The following HHAT variants were observed in gnomAD, a reference collection of about 807,000 sequenced individuals.
HHAT encodes the protein protein-cysteine N-palmitoyltransferase HHAT.
Under a neutral mutation model 70.8 loss-of-function variants are expected in HHAT, and 47 were observed. The ratio of observed to expected loss-of-function variants is 0.66; its 90% confidence interval spans 0.53 to 0.85. The LOEUF is 0.85. HHAT is among the 40% of genes least tolerant of loss of function. The pLI, the probability that HHAT is intolerant of heterozygous loss-of-function variation, is 0.00. For missense variants in HHAT, 609 were observed against 604.8 expected (o/e 1.01, Z -0.07); for synonymous variants, 228 against 247.6 (o/e 0.92, Z 0.74).
In HHAT at chr1:210,418,277, A is replaced by T. The variant is rs1274887070; in HGVS notation, c.808A>T (p.Ile270Phe). ...GGCTCACCTGATGTACATGCATGCCATCTACAGCAGCATCCCCCTCCTGGA... is the reference window on the plus strand; with the variant it reads ...GGCTCACCTGATGTACATGCATGCCTTCTACAGCAGCATCCCCCTCCTGGA... ...LMAHLMYMHAIYSSIPLLETV... is the reference protein window; with the variant it reads ...LMAHLMYMHAFYSSIPLLETV... Residue 270 changes from isoleucine to phenylalanine, a missense_variant, in exon 7 of 12, where the codon ATC becomes TTC. Ile to Phe is a conservative substitution (Grantham distance 21, BLOSUM62 0). Transcript: ENST00000261458. The T allele has an allele frequency of 6.2e-7, 1 of 1,612,384 alleles. No homozygotes were observed. The highest frequency in any genetic ancestry group is 1.7e-5 in the Admixed American group (1 of 59,774).
chr1:210,609,378 A>C (rs1396950278), intron 10 of HHAT, among the ~76,000 whole-genome samples: 2 of 151,026 alleles, frequency 1.3e-5, no homozygotes, highest in Admixed American at 6.7e-5. Flanking sequence ...TCCTTAAATA[A>C]AAACTTTTGG....
intron 4 of HHAT, among the ~76,000 whole-genome samples, chr1:210,391,548 TAAA>T (rs1387964762): frequency 6.6e-6 from 1 of 151,818 alleles, no homozygotes; most frequent in Non-Finnish European, 1.5e-5. Context: ...ATAAATTTCA[TAAA>T]AAAGACAAAA....
At chr1:210,522,918 C>A (rs969078502) in intron 9 of HHAT, among the ~76,000 whole-genome samples, 9 of 152,116 alleles carry the variant, frequency 5.9e-5, no homozygotes, top group African/African-American at 2.2e-4. Context: ...ATTTCTGGCT[C>A]AAGAAATTGC....
intron 9 of HHAT, among the ~76,000 whole-genome samples, chr1:210,575,131 T>C (rs1392413834): frequency 6.6e-6 from 1 of 152,164 alleles, no homozygotes; most frequent in Non-Finnish European, 1.5e-5. Flanking sequence ...GGGTGGGCTC[T>C]TTCCCCTACC....
intron 6 of HHAT, 114 bp from the exon 7 acceptor site, chr1:210,418,040 C>T (rs1211527975): frequency 2.0e-6 from 2 of 986,838 alleles, no homozygotes; most frequent in African/African-American, 1.6e-5. Context: ...CAAACCAACC[C>T]TCTGTCAGCT....
At chr1:210,530,131 G>C (rs2095298982) in intron 9 of HHAT, among the ~76,000 whole-genome samples, 1 of 152,110 alleles carries the variant, frequency 6.6e-6, no homozygotes, top group South Asian at 2.1e-4. Context: ...AAAAGCTCAG[G>C]TTATGTAAAA....
intron 10 of HHAT, among the ~76,000 whole-genome samples, chr1:210,615,824 G>T (rs1202594894): frequency 1.3e-5 from 2 of 152,188 alleles, no homozygotes; most frequent in South Asian, 2.1e-4. Context: ...GTACCTGGCC[G>T]TGTGAGGTGT....
intron 7 of HHAT, among the ~76,000 whole-genome samples, chr1:210,456,989 C>T (rs2093883132): frequency 6.6e-6 from 1 of 152,190 alleles, no homozygotes; most frequent in South Asian, 2.1e-4. Flanking sequence ...CTTCCCCTAC[C>T]AGTCACATTT....
At chr1:210,388,420 G>A (rs1483057640) in intron 4 of HHAT, among the ~76,000 whole-genome samples, 2 of 152,168 alleles carry the variant, frequency 1.3e-5, no homozygotes, top group African/African-American at 2.4e-5. Context: ...ATGTCCTGTG[G>A]TTAGAGATGC....
chr1:210,648,216 A>G (rs753677494), intron 11 of HHAT, among the ~76,000 whole-genome samples: 1 of 152,220 alleles, frequency 6.6e-6, no homozygotes, highest in Non-Finnish European at 1.5e-5. Flanking sequence ...GCCACATTAT[A>G]TGAGTAATAA....
chr1:210,461,995 T>G (rs1228808020), intron 7 of HHAT, among the ~76,000 whole-genome samples: 1 of 152,244 alleles, frequency 6.6e-6, no homozygotes. Flanking sequence ...ATCAATCTTT[T>G]CCTTTGCCCA....
intron 6 of HHAT, among the ~76,000 whole-genome samples, chr1:210,412,629 G>T (rs1431411304): frequency 6.6e-6 from 1 of 152,188 alleles, no homozygotes; most frequent in South Asian, 2.1e-4. Flanking sequence ...TCATTACTCT[G>T]CCCTCCAGGC....
chr1:210,611,942 A>T (rs115221015), intron 10 of HHAT, among the ~76,000 whole-genome samples: 3,872 of 152,232 alleles, frequency 0.025, 155 homozygotes, highest in African/African-American at 0.087. Context: ...ATCAATGTTC[A>T]TCAAGGATAT....
At chr1:210,602,643 G>C (rs1664539324) in intron 10 of HHAT, among the ~76,000 whole-genome samples, 1 of 152,180 alleles carries the variant, frequency 6.6e-6, no homozygotes, top group African/African-American at 2.4e-5. Flanking sequence ...CCAAACAGGA[G>C]AGCGTTAAAT....
chr1:210,368,955 A>G (rs1019934313), intron 3 of HHAT, among the ~76,000 whole-genome samples: 1 of 152,020 alleles, frequency 6.6e-6, no homozygotes, highest in Admixed American at 6.6e-5. Context: ...GCGGGTGCCT[A>G]TAATCCCAAC....
intron 11 of HHAT, among the ~76,000 whole-genome samples, chr1:210,661,008 C>A (rs1007682551): frequency 5.3e-5 from 8 of 152,092 alleles, no homozygotes; most frequent in African/African-American, 1.9e-4. Flanking sequence ...TAGGCATGGG[C>A]AAGGACTTCA....
chr1:210,389,200 AAATG>A (rs1270532503), intron 4 of HHAT, among the ~76,000 whole-genome samples: 2 of 151,662 alleles, frequency 1.3e-5, no homozygotes, highest in African/African-American at 4.8e-5. Flanking sequence ...TTTATAAAGA[AAATG>A]AACTTATTTA....
intron 11 of HHAT, among the ~76,000 whole-genome samples, chr1:210,669,093 G>A (rs115103227): frequency 0.017 from 2,605 of 152,234 alleles, 35 homozygotes; most frequent in Middle Eastern, 0.031. Flanking sequence ...TTTTAAAGAA[G>A]GTTTTTCACT....
chr1:210,441,827 C>T (rs2093516425), intron 7 of HHAT, among the ~76,000 whole-genome samples: 1 of 151,498 alleles, frequency 6.6e-6, no homozygotes, highest in South Asian at 2.1e-4. Flanking sequence ...TATATATGTA[C>T]ACACACATAT....
Sources: gnomAD v4.1 joint callset for allele counts (sites outside exome capture counted in the v4.1 genomes callset) on GRCh38, gnomAD v4.1.1 for gene constraint, MANE v1.5 for transcripts, NCBI Gene and HGNC (gene_info 2026-07-23, HGNC 2026-07-21) for gene names.